The following MUSK variants were observed in gnomAD, a reference collection of about 807,000 sequenced individuals.
The protein encoded by MUSK is muscle associated receptor tyrosine kinase.
A neutral mutation model predicts 88.7 loss-of-function variants in MUSK; 55 were observed. The observed-to-expected ratio is 0.62, with a 90% CI of 0.50 to 0.78. The LOEUF (loss-of-function observed/expected upper bound fraction) is 0.78. Among genes scored for constraint, MUSK ranks in the 30% least tolerant of loss-of-function variants. The pLI is 0.00. For synonymous variants in MUSK, 387 were observed against 391.9 expected (o/e 0.99, Z 0.15); for missense variants, 1,015 against 1,074.3 (o/e 0.94, Z 0.77).
In MUSK at chr9:110,747,690, C is replaced by T. The variant is rs1418625115; in HGVS notation, c.803C>T (p.Ser268Leu). Residue 268 changes from serine to leucine, a missense_variant, in exon 7 of 15, where the codon TCA (serine) becomes TTA (leucine). Transcript: ENST00000374448. The part of the protein sequence containing the change: ...QESVKDRVID[S>L]RLQLFITKPG... ...AGTGTGAAAGACCGAGTGATTGACT[C>T]AAGACTGCAGCTGTTTATCACCAAG... 2 of 1,613,708 alleles carry T rather than the reference C, an allele frequency of 1.2e-6. No individual in the cohort carries two copies. The highest frequency in any genetic ancestry group is 2.7e-5 in the African/African-American group (2 of 74,902).
chr9:110,708,037 G>C (rs2076621214), intron 5 of MUSK, among the ~76,000 whole-genome samples: 2 of 152,196 alleles, frequency 1.3e-5, no homozygotes, highest in Non-Finnish European at 2.9e-5. Context: ...TATTTTTGCA[G>C]ACATATGAAA....
At chr9:110,772,966 T>C (rs564594885) in intron 9 of MUSK, among the ~76,000 whole-genome samples, 1 of 152,130 alleles carries the variant, frequency 6.6e-6, no homozygotes, top group South Asian at 2.1e-4. Flanking sequence ...AATTATTAGG[T>C]TGGTACAAAA....
rs560154129 is a variant in MUSK at position 110,720,547 on chromosome 9, T to C, written c.629-13704T>C. 1.4e-4 allele frequency among the ~76,000 whole-genome samples: 21 copies of C among 152,008 alleles called. No individual in the cohort carries two copies. In the East Asian group the frequency reaches 3.5e-3, roughly 25 times the overall value. On this transcript the variant is annotated intron_variant, in intron 5 of 14. Coordinates refer to ENST00000374448, the MANE Select transcript of MUSK (RefSeq NM_005592.4). ...ACCCTCCTAGATTAAACCAGGAAGA[T>C]GTAGAAACTCTGAGCAGACCAATAA... is the stretch of plus-strand genomic sequence containing the variant.
intron 6 of MUSK, among the ~76,000 whole-genome samples, chr9:110,734,786 T>A (rs986143202): frequency 4.6e-5 from 7 of 152,146 alleles, no homozygotes; most frequent in African/African-American, 1.7e-4. Context: ...GTGGTAATAA[T>A]AACTGATGTA....
chr9:110,775,949 G>A lies in MUSK; in HGVS notation c.1346G>A (p.Arg449Lys). Residue 449 changes from arginine (R) to lysine (K), a missense_variant, in exon 10 of 15, where the codon AGA (arginine) becomes AAA (lysine). Physicochemically the swap from Arg to Lys is conservative, Grantham distance 26. Transcript: ENST00000374448. ...CATTGGGACCCCACGGCCTGTGCCA[G>A]ACTGCCACATCTAGGTAACACAGAG... Reference protein sequence around the residue: ...SMHWDPTACARLPHLDYNKEN... With the variant: ...SMHWDPTACAKLPHLDYNKEN... 1.2e-6 allele frequency: 2 copies of A among 1,612,884 alleles called. No homozygotes were observed. The highest frequency in any genetic ancestry group is 1.7e-6 in the Non-Finnish European group (2 of 1,179,196).
chr9:110,750,786 G>A (rs1447451236), intron 7 of MUSK, among the ~76,000 whole-genome samples: 1 of 152,118 alleles, frequency 6.6e-6, no homozygotes, highest in Non-Finnish European at 1.5e-5. Flanking sequence ...TCCCTGTGGG[G>A]TGTTTTACTT....
chr9:110,699,406 G>T (rs1445270808), intron 5 of MUSK, among the ~76,000 whole-genome samples: 1 of 152,070 alleles, frequency 6.6e-6, no homozygotes, highest in African/African-American at 2.4e-5. Flanking sequence ...TATGTGACAT[G>T]CTTAGCACAA....
At chr9:110,786,777 A>G (rs996823222) in intron 13 of MUSK, among the ~76,000 whole-genome samples, 2 of 152,200 alleles carry the variant, frequency 1.3e-5, no homozygotes, top group African/African-American at 4.8e-5. Context: ...GGAATAAAAT[A>G]CCCTTTCTGC....
At chr9:110,742,548 T>C (rs10980550) in intron 6 of MUSK, among the ~76,000 whole-genome samples, 67,511 of 152,060 alleles carry the variant, frequency 0.44, 15,988 homozygotes, top group African/African-American at 0.58. Flanking sequence ...GAAAGGTATA[T>C]ACTTTTTAAA....
chr9:110,746,986 A>G (rs2077181501), intron 6 of MUSK, among the ~76,000 whole-genome samples: 1 of 152,130 alleles, frequency 6.6e-6, no homozygotes, highest in Admixed American at 6.5e-5. Context: ...CTGAAGACAT[A>G]TATCAGAGGA....
At chr9:110,734,439 A>G in intron 6 of MUSK, 64 bp downstream of exon 6, 1 of 1,603,314 alleles carries the variant, frequency 6.2e-7, no homozygotes, top group Non-Finnish European at 8.5e-7. Flanking sequence ...TTCAGGATAG[A>G]CCATATAGTT....
At chr9:110,746,619 A>G (rs367552229) in intron 6 of MUSK, among the ~76,000 whole-genome samples, 16 of 152,310 alleles carry the variant, frequency 1.1e-4, no homozygotes, top group Admixed American at 2.0e-4. Context: ...ATTGTGTGTC[A>G]ATATTGCATT....
chr9:110,701,704 ATT>A (rs1298196244), intron 5 of MUSK, among the ~76,000 whole-genome samples: 1 of 80 alleles, frequency 0.013, no homozygotes, highest in Non-Finnish European at 0.017. Context: ...ATTTTATTTT[ATT>A]TTATTTTATT....
chr9:110,770,749 C>CT (rs148853048), intron 9 of MUSK, among the ~76,000 whole-genome samples: 93,976 of 149,882 alleles, frequency 0.63, 30,324 homozygotes, highest in African/African-American at 0.75. Context: ...TTCTTTCTTA[C>CT]TTTTTTTTAA....
At chr9:110,749,188 A>G (rs1313855832) in intron 7 of MUSK, among the ~76,000 whole-genome samples, 3 of 152,190 alleles carry the variant, frequency 2.0e-5, no homozygotes, top group Non-Finnish European at 1.5e-5. Context: ...TAAGAGATGA[A>G]AAGTTAATTT....
chr9:110,728,056 A>T (rs552139061), intron 5 of MUSK, among the ~76,000 whole-genome samples: 1 of 152,060 alleles, frequency 6.6e-6, no homozygotes, highest in Admixed American at 6.6e-5. Flanking sequence ...ATTCAATCTA[A>T]ACATTTTACA....
intron 1 of MUSK, among the ~76,000 whole-genome samples, chr9:110,680,798 G>A (rs746866258): frequency 2.6e-4 from 39 of 148,040 alleles, no homozygotes; most frequent in Non-Finnish European, 5.2e-4. Context: ...TTTATATATT[G>A]CTTCTAGGCT....
chr9:110,755,865 TCTGA>T (rs1471565059), intron 7 of MUSK, among the ~76,000 whole-genome samples: 11 of 149,742 alleles, frequency 7.3e-5, no homozygotes, highest in African/African-American at 2.7e-4. Context: ...TTATTGCTTC[TCTGA>T]CTAATAATAA....
intron 5 of MUSK, among the ~76,000 whole-genome samples, chr9:110,705,414 C>T (rs2076585606): frequency 1.3e-5 from 2 of 152,152 alleles, no homozygotes; most frequent in Non-Finnish European, 2.9e-5. Flanking sequence ...TTGAGACCTA[C>T]AAGAGGAAGC....
Sources: allele counts gnomAD v4.1 joint callset (sites outside exome capture counted in the v4.1 genomes callset), GRCh38; gene constraint gnomAD v4.1.1; transcripts MANE v1.5; gene names NCBI Gene and HGNC (gene_info 2026-07-23, HGNC 2026-07-21).